Variants in THSD7A observed in about 807,000 individuals in gnomAD.
THSD7A encodes the protein thrombospondin type 1 domain containing 7A, also known as thrombospondin type-1 domain-containing protein 7A.
In THSD7A, 96 loss-of-function variants were observed where a neutral mutation model predicts 231.3. That is an observed-to-expected ratio of 0.41 (90% CI 0.35 to 0.49). The LOEUF is 0.49. THSD7A is among the 20% of genes least tolerant of loss of function. The pLI, the probability that THSD7A is intolerant of heterozygous loss-of-function variation, is 0.05. For missense variants in THSD7A, 2,290 were observed against 2,070.2 expected, an observed-to-expected ratio of 1.11 and a Z score of -2.06; for synonymous variants, 940 against 743.3, an observed-to-expected ratio of 1.26 and a Z score of -4.30.
chr7:11,406,872 G>A lies in THSD7A; in HGVS notation c.4062+38C>T. The A allele has an allele frequency of 6.2e-7, 1 of 1,609,838 alleles. No individual in the cohort carries two copies. The highest frequency in any genetic ancestry group is 1.1e-5 in the South Asian group (1 of 90,502). Reference sequence around the variant, plus strand: ...TCTGCAGATGAAGTCTCTGCAGATAGAGTACACACTTCCTGACAACTTCTT... The same window carrying A: ...TCTGCAGATGAAGTCTCTGCAGATAAAGTACACACTTCCTGACAACTTCTT... On this transcript the variant is annotated intron_variant, in intron 21 of 27. Transcript: ENST00000423059. This position sits in a 1 kb window ranked among gnomAD's most constrained non-coding sequence, Gnocchi z 4.7.
At chr7:11,738,217 G>A (rs1349232487) in intron 1 of THSD7A, among the ~76,000 whole-genome samples, 1 of 151,922 alleles carries the variant, frequency 6.6e-6, no homozygotes, top group Non-Finnish European at 1.5e-5. Flanking sequence ...TATATTGATT[G>A]AGCATCCCAA....
intron 2 of THSD7A, among the ~76,000 whole-genome samples, chr7:11,600,702 T>C (rs1195230554): frequency 6.6e-6 from 1 of 152,224 alleles, no homozygotes; most frequent in Non-Finnish European, 1.5e-5. Flanking sequence ...GAAAATGCAC[T>C]GATTCTTCTG....
At chr7:11,671,962 G>A (rs1040576366) in intron 1 of THSD7A, among the ~76,000 whole-genome samples, 1 of 151,938 alleles carries the variant, frequency 6.6e-6, no homozygotes, top group African/African-American at 2.4e-5. Flanking sequence ...TGTTCTCTTA[G>A]CTTCATTCTT....
intron 1 of THSD7A, among the ~76,000 whole-genome samples, chr7:11,732,243 C>T (rs1781760482): frequency 6.6e-6 from 1 of 151,748 alleles, no homozygotes; most frequent in Admixed American, 6.6e-5. Flanking sequence ...GGTTATCCTA[C>T]TGGAGTGAGA....
intron 4 of THSD7A, among the ~76,000 whole-genome samples, chr7:11,550,977 C>T (rs538323736): frequency 3.9e-5 from 6 of 152,102 alleles, no homozygotes; most frequent in African/African-American, 7.2e-5. Context: ...CAAAACAGCA[C>T]GGTACTGATT....
intron 2 of THSD7A, among the ~76,000 whole-genome samples, chr7:11,609,673 C>T (rs1322749112): frequency 6.6e-6 from 1 of 152,072 alleles, no homozygotes; most frequent in Non-Finnish European, 1.5e-5. Context: ...GTATTGTGAC[C>T]ACAGGCAGGG....
At position 11,674,624 on chromosome 7, in the gene THSD7A, A is replaced by G. The variant is rs562995777; in HGVS notation, c.191-37663T>C. The stretch of plus-strand genomic sequence containing the variant: ...CTGAAGACACAAAGACACAAAGCCA[A>G]TTGATTATACACAACATACGCCATA... On this transcript the variant is annotated intron_variant, in intron 1 of 27. Coordinates refer to ENST00000423059, the MANE Select transcript of THSD7A (RefSeq NM_015204.3). Among the ~76,000 whole-genome samples the G allele has an allele frequency of 4.4e-3, 676 of 152,288 alleles. 1 individual carries two copies. Among genetic ancestry groups the G allele is most frequent in the African/African-American group, 0.015 (617 of 41,560 alleles).
chr7:11,383,314 C>T (rs968626274), intron 23 of THSD7A, among the ~76,000 whole-genome samples: 81 of 152,098 alleles, frequency 5.3e-4, no homozygotes, highest in African/African-American at 1.8e-3. Flanking sequence ...TTTATTTTAA[C>T]GGCTACATAG....
chr7:11,572,965 A>G (rs1335268631), intron 4 of THSD7A, among the ~76,000 whole-genome samples: 1 of 152,090 alleles, frequency 6.6e-6, no homozygotes, highest in Non-Finnish European at 1.5e-5. Context: ...ATCTTCCTTT[A>G]TAAGGTGTTA....
At chr7:11,456,844 A>G (rs1438084845) in intron 11 of THSD7A, among the ~76,000 whole-genome samples, 1 of 152,028 alleles carries the variant, frequency 6.6e-6, no homozygotes. Flanking sequence ...GACTCCTGGT[A>G]TGGACATATA....
Position 11,590,495 on chromosome 7 carries a change from A to G in THSD7A, c.1418T>C (p.Leu473Pro). Reference protein sequence around the residue: ...EVYCVQANENLLSQLSTHKNK... With the variant: ...EVYCVQANENPLSQLSTHKNK... Reference sequence around the variant, plus strand: ...CTTGTGGGTACTTAATTGTGAGAGGAGGTTTTCGTTGGCCTGCACGCAGTA... The same window carrying G: ...CTTGTGGGTACTTAATTGTGAGAGGGGGTTTTCGTTGGCCTGCACGCAGTA... Residue 473 changes from leucine to proline, a missense_variant, in exon 4 of 28, where the codon CTC becomes CCC. Physicochemically the swap from Leu to Pro is moderately conservative, Grantham distance 98. Coordinates refer to ENST00000423059, the MANE Select transcript of THSD7A (RefSeq NM_015204.3). The surrounding 1 kb of genome is among the most constrained non-coding windows in gnomAD (Gnocchi z 4.4). 1.2e-6 allele frequency: 2 copies of G among 1,612,856 alleles called. No homozygotes were observed. Among genetic ancestry groups the G allele is most frequent in the Non-Finnish European group, 1.7e-6 (2 of 1,179,518 alleles).
At chr7:11,617,814 A>G (rs946581287) in intron 2 of THSD7A, among the ~76,000 whole-genome samples, 38 of 152,176 alleles carry the variant, frequency 2.5e-4, no homozygotes, top group Non-Finnish European at 4.7e-4. Context: ...AGGAAGGGGA[A>G]CAACACACAC....
intron 1 of THSD7A, among the ~76,000 whole-genome samples, chr7:11,770,651 G>T (rs1251501421): frequency 1.3e-5 from 2 of 152,088 alleles, no homozygotes; most frequent in Admixed American, 6.5e-5. Flanking sequence ...TGAATCTTCG[G>T]TAGGATTCAC....
At chr7:11,830,894 A>C (rs990446691) in intron 1 of THSD7A, among the ~76,000 whole-genome samples, 2 of 152,180 alleles carry the variant, frequency 1.3e-5, no homozygotes, top group Admixed American at 6.5e-5. Flanking sequence ...CAACAGGAAT[A>C]ATCTTTTCCC....
At chr7:11,454,094 C>G (rs1445251519) in intron 11 of THSD7A, among the ~76,000 whole-genome samples, 1 of 151,932 alleles carries the variant, frequency 6.6e-6, no homozygotes, top group Non-Finnish European at 1.5e-5. Flanking sequence ...GCTGTCTATT[C>G]ACTTCAAAGT....
At chr7:11,769,999 T>C (rs1254703894) in intron 1 of THSD7A, among the ~76,000 whole-genome samples, 1 of 152,152 alleles carries the variant, frequency 6.6e-6, no homozygotes, top group African/African-American at 2.4e-5. Context: ...AGACAAATGT[T>C]AGAAGCTGGC....
intron 4 of THSD7A, among the ~76,000 whole-genome samples, chr7:11,556,203 T>G (rs1172130644): frequency 6.6e-6 from 1 of 151,746 alleles, no homozygotes; most frequent in Non-Finnish European, 1.5e-5. Flanking sequence ...TCTACAGTGT[T>G]TTTGAGTGCA....
intron 1 of THSD7A, among the ~76,000 whole-genome samples, chr7:11,721,951 A>G (rs2128153389): frequency 6.6e-6 from 1 of 151,582 alleles, no homozygotes; most frequent in South Asian, 2.1e-4. Flanking sequence ...CCCCTTCCCA[A>G]TTCCTTTAAT....
intron 2 of THSD7A, among the ~76,000 whole-genome samples, chr7:11,616,550 G>A (rs1188220775): frequency 1.3e-5 from 2 of 152,114 alleles, no homozygotes; most frequent in African/African-American, 4.8e-5. Flanking sequence ...TAAAAGCATA[G>A]CTAAAATTGA....
Sources: allele counts gnomAD v4.1 joint callset (sites outside exome capture counted in the v4.1 genomes callset), GRCh38; gene constraint gnomAD v4.1.1; non-coding constraint Gnocchi (gnomAD v3.1); transcripts MANE v1.5; gene names NCBI Gene and HGNC (gene_info 2026-07-23, HGNC 2026-07-21).